MORC1: variants seen among roughly 807,000 people sequenced by gnomAD.
MORC1 encodes MORC family CW-type zinc finger protein 1.
A neutral mutation model predicts 134.9 loss-of-function variants in MORC1; 59 were observed. That is an observed-to-expected ratio of 0.44 (90% CI 0.35 to 0.54). The LOEUF (loss-of-function observed/expected upper bound fraction) is 0.54, where lower values mean the gene tolerates loss of function less well. Among genes scored for constraint, MORC1 ranks in the 20% least tolerant of loss-of-function variants. The probability of loss-of-function intolerance (pLI) is 0.00; values close to 1 mark genes in which losing one functional copy is unlikely to be tolerated. For missense variants in MORC1, 947 were observed against 1,134.5 expected (o/e 0.83, Z 2.37); for synonymous variants, 395 against 391.7 (o/e 1.01, Z -0.10).
intron 23 of MORC1, among the ~76,000 whole-genome samples, chr3:108,982,615 G>T (rs1398371051): frequency 6.7e-6 from 1 of 150,342 alleles, no homozygotes; most frequent in Non-Finnish European, 1.5e-5. Flanking sequence ...AGCATTAGGA[G>T]AAATACCTAA....
intron 20 of MORC1, among the ~76,000 whole-genome samples, chr3:109,003,991 A>G (rs1198264717): frequency 6.6e-6 from 1 of 152,186 alleles, no homozygotes; most frequent in Non-Finnish European, 1.5e-5. Flanking sequence ...ATTCAAAATA[A>G]TTCCTTTTGA....
intron 8 of MORC1, among the ~76,000 whole-genome samples, chr3:109,090,803 G>C (rs993399624): frequency 6.6e-6 from 1 of 151,972 alleles, no homozygotes; most frequent in Non-Finnish European, 1.5e-5. Context: ...GACCAAACCT[G>C]AAAATTACAT....
At chr3:109,007,428 C>T (rs1300412251) in intron 17 of MORC1, among the ~76,000 whole-genome samples, 1 of 152,182 alleles carries the variant, frequency 6.6e-6, no homozygotes, top group South Asian at 2.1e-4. Context: ...CTACAGAGTA[C>T]AGGGTCTGGA....
At chr3:108,996,812 C>A (rs1465676821) in intron 21 of MORC1, among the ~76,000 whole-genome samples, 4 of 151,676 alleles carry the variant, frequency 2.6e-5, no homozygotes, top group Non-Finnish European at 4.4e-5. Flanking sequence ...AGATGGAGAC[C>A]ATCCTGGCTA....
rs758608795 is a variant in MORC1 at position 109,005,227 on chromosome 3, C to A, written c.1856G>T (p.Arg619Ile). ...LSSFELSASR[R>I]GQKRNIEETD... ...CTCTTCTATGTTTCTTTTCTGTCCT[C>A]TACGGCTCGCTGAAAGCTCAAAGGA... The change falls in exon 19 of 28, where the codon AGA (arginine) becomes ATA (isoleucine). Residue 619 changes from arginine (R) to isoleucine (I), a missense_variant. Transcript: ENST00000232603. 1 of 1,613,946 alleles carries A rather than the reference C, an allele frequency of 6.2e-7. No individual in the cohort carries two copies. The highest frequency in any genetic ancestry group is 8.5e-7 in the Non-Finnish European group (1 of 1,179,962).
At chr3:108,967,132 G>A (rs547169249) in intron 26 of MORC1, among the ~76,000 whole-genome samples, 7 of 152,158 alleles carry the variant, frequency 4.6e-5, no homozygotes, top group South Asian at 4.1e-4. Flanking sequence ...TGTTTATCTC[G>A]CTTTGATTTT....
At chr3:109,001,250 A>G (rs1397013414) in intron 20 of MORC1, among the ~76,000 whole-genome samples, 1 of 152,088 alleles carries the variant, frequency 6.6e-6, no homozygotes, top group Non-Finnish European at 1.5e-5. Context: ...ATCCTACCTC[A>G]GTCTCTAGAA....
At chr3:109,085,133 T>G (rs577727643) in intron 8 of MORC1, among the ~76,000 whole-genome samples, 1 of 152,072 alleles carries the variant, frequency 6.6e-6, no homozygotes, top group South Asian at 2.1e-4. Flanking sequence ...TCTGTCTGTC[T>G]GTGTATGTGT....
chr3:109,097,194 A>C (rs998846739), intron 6 of MORC1, among the ~76,000 whole-genome samples: 2 of 152,220 alleles, frequency 1.3e-5, no homozygotes, highest in African/African-American at 2.4e-5. Flanking sequence ...GCAAACAAAC[A>C]AACAAAAAAC....
chr3:109,060,436 C>A (rs1278822490), intron 11 of MORC1, among the ~76,000 whole-genome samples: 5 of 151,344 alleles, frequency 3.3e-5, no homozygotes, highest in Non-Finnish European at 7.4e-5. Context: ...ATTCACTACT[C>A]TAAATCTGGT....
chr3:108,963,589 A>G lies in MORC1; in HGVS notation c.2624T>C (p.Val875Ala). The G allele has an allele frequency of 6.4e-7, 1 of 1,567,420 alleles. No individual in the cohort carries two copies. Among genetic ancestry groups the G allele is most frequent in the Non-Finnish European group, 8.6e-7 (1 of 1,158,562 alleles). Residue 875 changes from valine (V) to alanine (A), a missense_variant, in exon 27 of 28, where the codon GTC becomes GCC. By Grantham distance (64) the Val-to-Ala change is moderately conservative. This residue lies in a region of MORC1 where 722 missense variants were observed against 817.0 expected (regional missense o/e 0.88). Transcript: ENST00000232603. Reference sequence around the variant, plus strand: ...CCTCTTTATTTTTTTTTCATATTGGACCATGTAAGTATTCTGTATCTGGGA... The same window carrying G: ...CCTCTTTATTTTTTTTTCATATTGGGCCATGTAAGTATTCTGTATCTGGGA... ...CFNQIQNTYM[V>A]QYEKKIKRKL... is the part of the protein sequence containing the mutation.
chr3:108,968,569 T>C (rs1428297198), intron 26 of MORC1, among the ~76,000 whole-genome samples: 1 of 152,224 alleles, frequency 6.6e-6, no homozygotes, highest in African/African-American at 2.4e-5. Context: ...GACTTTTGGC[T>C]AAGATCAAAT....
intron 21 of MORC1, among the ~76,000 whole-genome samples, chr3:108,996,279 C>CAT (rs1948213184): frequency 8.5e-6 from 1 of 117,460 alleles, no homozygotes; most frequent in Non-Finnish European, 2.0e-5. Flanking sequence ...CGTGCGTGCG[C>CAT]GCGCGCGCAC....
chr3:109,058,939 A>G (rs1950020748), intron 12 of MORC1, among the ~76,000 whole-genome samples: 1 of 152,152 alleles, frequency 6.6e-6, no homozygotes, highest in South Asian at 2.1e-4. Flanking sequence ...CATCTCATAC[A>G]GTGAACTTGT....
intron 14 of MORC1, among the ~76,000 whole-genome samples, chr3:109,046,665 CTTAA>C (rs1234154429): frequency 6.6e-5 from 10 of 152,194 alleles, no homozygotes; most frequent in African/African-American, 2.2e-4. Flanking sequence ...ACAATGTATG[CTTAA>C]TTGTCTACAT....
intron 8 of MORC1, among the ~76,000 whole-genome samples, chr3:109,090,207 T>C (rs1950688609): frequency 6.6e-6 from 1 of 152,110 alleles, no homozygotes; most frequent in South Asian, 2.1e-4. Flanking sequence ...TCACTTCTAC[T>C]GAAATTCTCT....
chr3:109,042,980 A>G (rs1409768846), intron 14 of MORC1, among the ~76,000 whole-genome samples: 1 of 152,132 alleles, frequency 6.6e-6, no homozygotes, highest in Non-Finnish European at 1.5e-5. Context: ...GGCAGGATAA[A>G]TAAGTTCAGA....
intron 13 of MORC1, among the ~76,000 whole-genome samples, chr3:109,055,121 C>T (rs1281492408): frequency 2.0e-5 from 3 of 152,110 alleles, no homozygotes; most frequent in Non-Finnish European, 4.4e-5. Context: ...TAATACGACT[C>T]GTTTTACAAA....
At chr3:109,114,182 C>T (rs148157902) in intron 2 of MORC1, among the ~76,000 whole-genome samples, 6 of 152,306 alleles carry the variant, frequency 3.9e-5, no homozygotes, top group African/African-American at 1.4e-4. Context: ...CAAGTTTGAT[C>T]ATAAATTAAA....
Sources: allele counts gnomAD v4.1 joint callset (sites outside exome capture counted in the v4.1 genomes callset), GRCh38; gene constraint gnomAD v4.1.1; regional missense constraint gnomAD v4.1.1; transcripts MANE v1.5; gene names NCBI Gene and HGNC (gene_info 2026-07-23, HGNC 2026-07-21).